Variants in TENM4 observed in about 807,000 individuals in gnomAD.
The protein encoded by TENM4 is teneurin-4.
A neutral mutation model predicts 243.3 loss-of-function variants in TENM4; 82 were observed. The observed-to-expected ratio is 0.34, with a 90% CI of 0.28 to 0.40. TENM4 has a LOEUF of 0.40. Among genes scored for constraint, TENM4 ranks in the 10% least tolerant of loss-of-function variants. The pLI is 1.00. For missense variants in TENM4, 3,138 were observed against 3,673.3 expected, an observed-to-expected ratio of 0.85 and a Z score of 3.77; for synonymous variants, 1,412 against 1,456.3, an observed-to-expected ratio of 0.97 and a Z score of 0.69.
At chr11:79,329,811 G>A (rs372018048) in intron 1 of TENM4, among the ~76,000 whole-genome samples, 1 of 152,204 alleles carries the variant, frequency 6.6e-6, no homozygotes, top group African/African-American at 2.4e-5. Flanking sequence ...TCTCAGCAAG[G>A]AGTTTGGTTC....
intron 13 of TENM4, among the ~76,000 whole-genome samples, chr11:78,813,200 A>G (rs671307): frequency 0.75 from 113,971 of 152,134 alleles, 43,815 homozygotes; most frequent in Non-Finnish European, 0.84. Flanking sequence ...GGAAGAATAA[A>G]CAGACTCTCA....
chr11:79,223,248 C>A (rs921590011), intron 2 of TENM4, among the ~76,000 whole-genome samples: 11 of 152,122 alleles, frequency 7.2e-5, no homozygotes, highest in Admixed American at 3.3e-4. Context: ...GAAGCACTGG[C>A]AGGGGAGAAA....
chr11:78,760,898 A>G (rs1856416113), intron 18 of TENM4, among the ~76,000 whole-genome samples: 2 of 151,988 alleles, frequency 1.3e-5, no homozygotes, highest in African/African-American at 4.8e-5. Context: ...CTGCTGTTTA[A>G]TTTGTTCTTC....
At chr11:78,869,893 T>C (rs562347135) in intron 9 of TENM4, among the ~76,000 whole-genome samples, 1 of 152,288 alleles carries the variant, frequency 6.6e-6, no homozygotes, top group Non-Finnish European at 1.5e-5. Context: ...TTAAGAGGCT[T>C]TTTTCTCAGG....
intron 3 of TENM4, among the ~76,000 whole-genome samples, chr11:79,196,278 G>C (rs939181487): frequency 2.0e-5 from 3 of 152,046 alleles, no homozygotes; most frequent in Admixed American, 1.3e-4. Flanking sequence ...CAACAGGCCT[G>C]GCTCTGAGTC....
chr11:79,080,285 T>A (rs765865770), intron 4 of TENM4, among the ~76,000 whole-genome samples: 3 of 152,192 alleles, frequency 2.0e-5, no homozygotes, highest in Non-Finnish European at 4.4e-5. Context: ...TTGGAGCGGA[T>A]GCAGTCTTGA....
intron 6 of TENM4, among the ~76,000 whole-genome samples, chr11:79,026,902 G>C (rs145794233): frequency 6.6e-6 from 1 of 152,126 alleles, no homozygotes; most frequent in African/African-American, 2.4e-5. Context: ...CCTGTGCAAA[G>C]CTGGCCACTC....
At chr11:78,720,341 G>A (rs747234504) in intron 25 of TENM4, 29 bp downstream of exon 25, 6 of 1,613,380 alleles carry the variant, frequency 3.7e-6, no homozygotes, top group Non-Finnish European at 4.2e-6. Context: ...GCAGGGGTGA[G>A]GCAGGAAATT....
intron 9 of TENM4, among the ~76,000 whole-genome samples, chr11:78,866,824 G>T (rs184436223): frequency 6.6e-6 from 1 of 152,334 alleles, no homozygotes; most frequent in Non-Finnish European, 1.5e-5. Flanking sequence ...GAAGCTGGTG[G>T]GTAGGGAAGG....
At chr11:79,124,724 A>G (rs1288745867) in intron 4 of TENM4, among the ~76,000 whole-genome samples, 2 of 141,404 alleles carry the variant, frequency 1.4e-5, no homozygotes, top group Non-Finnish European at 3.0e-5. Flanking sequence ...CAAAATCTGT[A>G]TTAGGGTTCT....
intron 2 of TENM4, among the ~76,000 whole-genome samples, chr11:79,255,835 TGAA>T (rs1374470557): frequency 6.6e-6 from 1 of 152,206 alleles, no homozygotes; most frequent in Non-Finnish European, 1.5e-5. Flanking sequence ...CTTTCTCTAT[TGAA>T]GTAGAGATGT....
At chr11:78,974,093 G>A (rs1421216479) in intron 6 of TENM4, among the ~76,000 whole-genome samples, 2 of 152,132 alleles carry the variant, frequency 1.3e-5, no homozygotes, top group African/African-American at 2.4e-5. Context: ...TTAAAGATGT[G>A]CAAATACTGC....
chr11:79,163,003 T>A (rs1477024179), intron 3 of TENM4, among the ~76,000 whole-genome samples: 2 of 152,194 alleles, frequency 1.3e-5, no homozygotes, highest in Non-Finnish European at 2.9e-5. Flanking sequence ...TGCACATACA[T>A]GCATAAACAT....
At chr11:79,368,532 G>A (rs1857720640) in intron 1 of TENM4, among the ~76,000 whole-genome samples, 1 of 152,222 alleles carries the variant, frequency 6.6e-6, no homozygotes, top group Non-Finnish European at 1.5e-5. Flanking sequence ...AGGATGTTTA[G>A]ACTATGTCAG....
intron 1 of TENM4, among the ~76,000 whole-genome samples, chr11:79,420,616 T>G (rs998753104): frequency 6.6e-6 from 1 of 152,154 alleles, no homozygotes; most frequent in Admixed American, 6.5e-5. Context: ...TTCTGCAGCA[T>G]GAAAATACAT....
chr11:78,841,080 T>C (rs552236050), intron 12 of TENM4, among the ~76,000 whole-genome samples: 4 of 152,342 alleles, frequency 2.6e-5, no homozygotes, highest in Admixed American at 2.0e-4. Flanking sequence ...CGAACACTTA[T>C]ATAGCACCTA....
intron 1 of TENM4, among the ~76,000 whole-genome samples, chr11:79,328,344 T>C (rs1857007619): frequency 6.6e-6 from 1 of 152,200 alleles, no homozygotes; most frequent in African/African-American, 2.4e-5. Flanking sequence ...CTAACATTGT[T>C]CTTCTTCCTT....
At chr11:78,974,723 CTT>C (rs5792830) in intron 6 of TENM4, among the ~76,000 whole-genome samples, 52 of 129,196 alleles carry the variant, frequency 4.0e-4, no homozygotes, top group Admixed American at 6.1e-4. Flanking sequence ...CTTTTCTTTT[CTT>C]TTTTTTTTTT....
rs145145832 is a variant in TENM4 at position 79,115,181 on chromosome 11, G to A, written c.-66+33529C>T. Among the ~76,000 whole-genome samples, 625 of 152,210 alleles carry A rather than the reference G, an allele frequency of 4.1e-3. 4 individuals carry two copies. Among genetic ancestry groups the A allele is most frequent in the African/African-American group, 0.013 (549 of 41,530 alleles). ...GGAAGTGAATAAGCACTTGGATGAC[G>A]GAAACTTGGAAAATGTCAACATGTA... On this transcript the variant is annotated intron_variant, in intron 4 of 33. Coordinates refer to ENST00000278550, the MANE Select transcript of TENM4 (RefSeq NM_001098816.3).
Sources: gnomAD v4.1 joint callset for allele counts (sites outside exome capture counted in the v4.1 genomes callset) on GRCh38, gnomAD v4.1.1 for gene constraint, MANE v1.5 for transcripts, NCBI Gene and HGNC (gene_info 2026-07-23, HGNC 2026-07-21) for gene names.